NUMB: variants seen among roughly 807,000 people sequenced by gnomAD.
NUMB encodes the protein protein numb homolog.
NUMB carries 29 observed loss-of-function variants against 59.7 expected under a neutral mutation model. The ratio of observed to expected loss-of-function variants is 0.49; its 90% confidence interval spans 0.36 to 0.66. The LOEUF (loss-of-function observed/expected upper bound fraction) is 0.66. Among genes scored for constraint, NUMB ranks in the 30% least tolerant of loss-of-function variants. The pLI is 0.00. For synonymous variants in NUMB, 288 were observed against 288.2 expected, an observed-to-expected ratio of 1.00 and a Z score of 0.01; for missense variants, 723 against 822.0, an observed-to-expected ratio of 0.88 and a Z score of 1.47.
intron 1 of NUMB, among the ~76,000 whole-genome samples, chr14:73,447,828 G>C (rs1349240882): frequency 1.3e-5 from 2 of 150,454 alleles, no homozygotes; most frequent in Non-Finnish European, 3.0e-5. Flanking sequence ...TGTCACCCAG[G>C]CTGGAGTGCA....
intron 1 of NUMB, among the ~76,000 whole-genome samples, chr14:73,419,583 C>T (rs1017594075): frequency 6.6e-6 from 1 of 152,052 alleles, no homozygotes; most frequent in Admixed American, 6.6e-5. Context: ...ATTAGAAAGT[C>T]CCCAGAAAAC....
intron 4 of NUMB, among the ~76,000 whole-genome samples, chr14:73,352,500 A>T (rs1230986857): frequency 5.4e-4 from 6 of 11,132 alleles, no homozygotes; most frequent in African/African-American, 2.1e-3. Flanking sequence ...ATATATATAT[A>T]TATATATATA....
At position 73,279,358 on chromosome 14, in the gene NUMB, G is replaced by GC. The variant is rs748837860; in HGVS notation, c.1162dup (p.Ala388GlyfsTer6). On this transcript the variant is annotated frameshift_variant, in exon 12 of 13. Coordinates refer to ENST00000555238, the MANE Select transcript of NUMB (RefSeq NM_001005743.2). LOFTEE classifies it high-confidence loss of function. ...AGGGTTGGTTTCACGCACAGGCATT[G>GC]CTACGGGTGCTAGAGCAGTATGGGC... 1.1e-4 allele frequency: 177 copies of GC among 1,612,856 alleles called. 3 individuals carry two copies. The South Asian group carries it at 1.9e-3, about 18-fold the overall frequency.
intron 1 of NUMB, among the ~76,000 whole-genome samples, chr14:73,414,780 C>T (rs1483327345): frequency 3.3e-5 from 5 of 152,148 alleles, no homozygotes; most frequent in East Asian, 1.9e-4. Flanking sequence ...AGTGCAGTAG[C>T]GTGATCTCAG....
intron 2 of NUMB, among the ~76,000 whole-genome samples, chr14:73,388,210 G>A (rs190647971): frequency 6.6e-6 from 1 of 152,200 alleles, no homozygotes; most frequent in East Asian, 1.9e-4. Flanking sequence ...GAACATTTTC[G>A]TTTCAGAAAG....
chr14:73,417,482 T>C (rs1897177873), intron 1 of NUMB, among the ~76,000 whole-genome samples: 1 of 151,222 alleles, frequency 6.6e-6, no homozygotes, highest in African/African-American at 2.4e-5. Flanking sequence ...CAGGAAACTC[T>C]CCTGTTTCAC....
At chr14:73,287,022 T>G in intron 9 of NUMB, 88 bp downstream of exon 9, 159 of 1,244,888 alleles carry the variant, frequency 1.3e-4, no homozygotes, top group African/African-American at 1.6e-4. Context: ...TCTTTGATTA[T>G]GAGAAAATTT....
chr14:73,287,321 G>C lies in NUMB; in HGVS notation c.451-7C>G, dbSNP rs748657167. Reference sequence around the variant, plus strand: ...CATGGCTCAACCTTTCACCCTGTAAGAGCAGATTTTAAAAGCTTTTCAGAA... The same window carrying C: ...CATGGCTCAACCTTTCACCCTGTAACAGCAGATTTTAAAAGCTTTTCAGAA... On this transcript the variant is annotated splice_polypyrimidine_tract_variant and splice_region_variant and intron_variant, in intron 8 of 12. Transcript: ENST00000555238. 3 of 1,602,440 alleles carry C rather than the reference G, an allele frequency of 1.9e-6. No individual in the cohort carries two copies. Among genetic ancestry groups the C allele is most frequent in the South Asian group, 2.2e-5 (2 of 90,598 alleles).
chr14:73,348,417 G>T (rs1594933399), intron 4 of NUMB, among the ~76,000 whole-genome samples: 1 of 152,220 alleles, frequency 6.6e-6, no homozygotes, highest in Non-Finnish European at 1.5e-5. Context: ...AACACCAGGG[G>T]CCATAGCCCA....
chr14:73,348,180 C>T (rs553003359), intron 4 of NUMB, among the ~76,000 whole-genome samples: 1 of 152,288 alleles, frequency 6.6e-6, no homozygotes, highest in Admixed American at 6.5e-5. Context: ...GGAAATGCAT[C>T]TACCTCGAGA....
intron 2 of NUMB, among the ~76,000 whole-genome samples, chr14:73,373,296 C>G (rs1385141228): frequency 6.6e-6 from 1 of 152,174 alleles, no homozygotes; most frequent in Non-Finnish European, 1.5e-5. Context: ...AACTGTGCTC[C>G]CTGTAGTGAT....
chr14:73,343,768 A>C (rs201359288), intron 4 of NUMB, among the ~76,000 whole-genome samples: 1 of 9,100 alleles, frequency 1.1e-4, no homozygotes, highest in Non-Finnish European at 1.6e-4. Flanking sequence ...TGTTGATATC[A>C]AAAAGGAGAT....
intron 1 of NUMB, among the ~76,000 whole-genome samples, chr14:73,415,391 C>A (rs780434327): frequency 1.6e-4 from 24 of 152,162 alleles, no homozygotes; most frequent in Non-Finnish European, 2.2e-4. Flanking sequence ...AATGACATAG[C>A]CAAAATAACT....
chr14:73,299,651 T>G (rs1035115554), intron 6 of NUMB, among the ~76,000 whole-genome samples: 2 of 151,622 alleles, frequency 1.3e-5, no homozygotes, highest in African/African-American at 4.9e-5. Context: ...GCGGTTCTGT[T>G]TCTTTGGAGG....
chr14:73,370,584 C>G (rs1314488473), intron 2 of NUMB, among the ~76,000 whole-genome samples: 1 of 151,954 alleles, frequency 6.6e-6, no homozygotes, highest in East Asian at 1.9e-4. Flanking sequence ...CCCAGCTACT[C>G]AGGAGGCTGA....
chr14:73,372,736 A>G (rs1361951787), intron 2 of NUMB, among the ~76,000 whole-genome samples: 1 of 152,074 alleles, frequency 6.6e-6, no homozygotes, highest in Non-Finnish European at 1.5e-5. Flanking sequence ...AGAAAAGCCT[A>G]GAAACTAGGA....
chr14:73,294,484 C>T (rs1405454320), intron 7 of NUMB, among the ~76,000 whole-genome samples: 1 of 152,100 alleles, frequency 6.6e-6, no homozygotes, highest in Non-Finnish European at 1.5e-5. Flanking sequence ...TTTGGGACTA[C>T]TCCTTTTTGG....
rs965342493 is a variant in NUMB at position 73,299,660 on chromosome 14, G to A, written c.235-2375C>T. 2.0e-5 allele frequency among the ~76,000 whole-genome samples: 3 copies of A among 151,594 alleles called. No homozygotes were observed. The Admixed American group carries it at 2.0e-4, about 10-fold the overall frequency. On this transcript the variant is annotated intron_variant, in intron 6 of 12. Transcript: ENST00000555238. ...CTCCTAGCGGTTCTGTTTCTTTGGA[G>A]GATCGTGATACAGAAGTAGAAGTTA...
intron 1 of NUMB, among the ~76,000 whole-genome samples, chr14:73,440,827 C>CAAAAAAAAAAAAAAAAAA: frequency 2.1e-5 from 1 of 47,826 alleles, no homozygotes; most frequent in Non-Finnish European, 4.3e-5. Flanking sequence ...GACTCCGTCT[C>CAAAAAAAAAAAAAAAAAA]AAAAAAAAAA....
Sources: gnomAD v4.1 joint callset for allele counts (sites outside exome capture counted in the v4.1 genomes callset) on GRCh38, gnomAD v4.1.1 for gene constraint, MANE v1.5 for transcripts, NCBI Gene and HGNC (gene_info 2026-07-23, HGNC 2026-07-21) for gene names.